ABL1: variants seen among roughly 807,000 people sequenced by gnomAD.
ABL1 encodes the protein tyrosine-protein kinase ABL1.
Under a neutral mutation model 94.7 loss-of-function variants are expected in ABL1, and 11 were observed. The ratio of observed to expected loss-of-function variants is 0.12; its 90% CI spans 0.07 to 0.19. The LOEUF (loss-of-function observed/expected upper bound fraction) is 0.19. Among genes scored for constraint, ABL1 ranks in the 10% least tolerant of loss-of-function variants. The pLI is 1.00. For missense variants in ABL1, 1,082 were observed against 1,489.4 expected (o/e 0.73, Z 4.50); for synonymous variants, 656 against 622.4 (o/e 1.05, Z -0.80).
At chr9:130,756,365 C>A (rs1024186748) in intron 1 of ABL1, among the ~76,000 whole-genome samples, 3 of 150,034 alleles carry the variant, frequency 2.0e-5, no homozygotes, top group African/African-American at 7.4e-5. Flanking sequence ...GTTGCCATTT[C>A]ATTTGTTCAG....
rs569486532 is a variant in ABL1 at position 130,879,487 on chromosome 9, G to A, written c.1424-581G>A. On this transcript the variant is annotated intron_variant, in intron 8 of 10. Transcript: ENST00000318560. ...AGCAGAAACAAATATTCATGTACAC[G>A]AATCTCTGGGCACTTTGGCTGGTAT... 7.9e-5 allele frequency among the ~76,000 whole-genome samples: 12 copies of A among 152,298 alleles called. No homozygotes were observed. The South Asian group carries it at 2.3e-3, about 29-fold the overall frequency.
At chr9:130,849,550 C>T (rs950032403) in intron 1 of ABL1, among the ~76,000 whole-genome samples, 1 of 151,998 alleles carries the variant, frequency 6.6e-6, no homozygotes, top group African/African-American at 2.4e-5. Flanking sequence ...GACGATGTCT[C>T]ACTCTGTTGC....
chr9:130,863,156 C>T lies in ABL1; in HGVS notation c.822+121C>T, dbSNP rs568116872. 33 of 1,181,070 alleles carry T rather than the reference C, an allele frequency of 2.8e-5. No homozygotes were observed. Among genetic ancestry groups the T allele is most frequent in the Middle Eastern group, 5.8e-4 (2 of 3,424 alleles). The allele number at this position is 1,181,070 out of a possible 1,614,324, so 73.2% of individuals were successfully genotyped here. ...CTGTCCGAGGGCTTCATTGGCGCCA[C>T]GGAATTGACTTTTCCGTCTTATATC... On this transcript the variant is annotated intron_variant, in intron 4 of 10. Transcript: ENST00000318560. The surrounding 1 kb of genome is among the most constrained non-coding windows in gnomAD (Gnocchi z 4.3).
At chr9:130,735,955 A>ATG (rs1365601952) in intron 1 of ABL1, among the ~76,000 whole-genome samples, 2 of 41,498 alleles carry the variant, frequency 4.8e-5, no homozygotes, top group African/African-American at 3.1e-4. Flanking sequence ...ATATATATAT[A>ATG]TATATATTTT....
chr9:130,774,590 G>A (rs1832290400), intron 1 of ABL1, among the ~76,000 whole-genome samples: 1 of 152,176 alleles, frequency 6.6e-6, no homozygotes, highest in Non-Finnish European at 1.5e-5. Flanking sequence ...TTGGAAGGCT[G>A]AGGTGGGCGG....
chr9:130,870,981 A>G (rs1323049147), intron 4 of ABL1, among the ~76,000 whole-genome samples: 2 of 152,206 alleles, frequency 1.3e-5, no homozygotes, highest in Non-Finnish European at 2.9e-5. Context: ...CCATCAGGAC[A>G]CGGTGTCTCC....
At chr9:130,757,833 G>T (rs546005127) in intron 1 of ABL1, among the ~76,000 whole-genome samples, 2 of 151,688 alleles carry the variant, frequency 1.3e-5, no homozygotes, top group Non-Finnish European at 2.9e-5. Flanking sequence ...GAGCCACTGC[G>T]CCCGGCCAGG....
chr9:130,874,327 G>A (rs141658031), intron 6 of ABL1, among the ~76,000 whole-genome samples: 23 of 152,338 alleles, frequency 1.5e-4, no homozygotes, highest in South Asian at 2.1e-4. Context: ...AAAGAGGGAA[G>A]TAGGAAACAC....
At chr9:130,881,136 G>A (rs1241857895) in intron 10 of ABL1, among the ~76,000 whole-genome samples, 1 of 152,220 alleles carries the variant, frequency 6.6e-6, no homozygotes, top group African/African-American at 2.4e-5. Flanking sequence ...CATCTTTCTG[G>A]TGCCATTGCC....
intron 1 of ABL1, among the ~76,000 whole-genome samples, chr9:130,774,207 C>G (rs895996193): frequency 5.3e-5 from 8 of 152,140 alleles, no homozygotes; most frequent in African/African-American, 1.9e-4. Context: ...TGGGCTAATA[C>G]AAATAAAGCT....
At chr9:130,865,746 CAAA>C (rs36055589) in intron 4 of ABL1, among the ~76,000 whole-genome samples, 4 of 61,682 alleles carry the variant, frequency 6.5e-5, no homozygotes, top group African/African-American at 1.1e-4. Flanking sequence ...ACCCTGTCTC[CAAA>C]AAAAAAAAAA....
intron 1 of ABL1, among the ~76,000 whole-genome samples, chr9:130,807,979 G>A (rs1036969651): frequency 6.7e-6 from 1 of 150,176 alleles, no homozygotes; most frequent in Non-Finnish European, 1.5e-5. Flanking sequence ...GATTACAGGC[G>A]TGAGCCACTG....
At chr9:130,781,695 T>C (rs1261131977) in intron 1 of ABL1, among the ~76,000 whole-genome samples, 1 of 152,202 alleles carries the variant, frequency 6.6e-6, no homozygotes. Context: ...TTATTATCTA[T>C]TAGTGTGTAC....
intron 1 of ABL1, among the ~76,000 whole-genome samples, chr9:130,750,633 TC>T (rs1831951195): frequency 7.8e-6 from 1 of 128,074 alleles, no homozygotes; most frequent in Non-Finnish European, 1.5e-5. Flanking sequence ...TTTTCTTTTT[TC>T]TTTTTCTTTC....
chr9:130,869,058 T>C (rs1276061524), intron 4 of ABL1, among the ~76,000 whole-genome samples: 1 of 151,800 alleles, frequency 6.6e-6, no homozygotes, highest in Non-Finnish European at 1.5e-5. Context: ...TCCCAGCTAC[T>C]CGGGAGGCTG....
At chr9:130,759,610 A>C (rs926731532) in intron 1 of ABL1, among the ~76,000 whole-genome samples, 1 of 152,238 alleles carries the variant, frequency 6.6e-6, no homozygotes. Flanking sequence ...TTTATTTAAG[A>C]ATGTACTCGA....
rs201885858 is a variant in ABL1 at position 130,839,073 on chromosome 9, T to TA, written c.79+3552dup. ...TGCAGGCATATGCTACCTGACTAAT[T>TA]AAAATTTTTTTTTTTTTTTTGTAGA... On this transcript the variant is annotated intron_variant, in intron 1 of 10. Coordinates refer to ENST00000318560, the MANE Select transcript of ABL1 (RefSeq NM_005157.6). Among the ~76,000 whole-genome samples the TA allele has an allele frequency of 1.1e-3, 168 of 150,662 alleles. 1 individual carries two copies. The highest frequency in any genetic ancestry group is 6.4e-3 in the Admixed American group (96 of 15,074).
intron 1 of ABL1, among the ~76,000 whole-genome samples, chr9:130,789,572 G>C (rs1170285413): frequency 6.6e-6 from 1 of 152,018 alleles, no homozygotes; most frequent in Non-Finnish European, 1.5e-5. Flanking sequence ...TCATGCGCAA[G>C]AGTCAGTAGA....
intron 1 of ABL1, 111 bp from the exon 2 acceptor site, chr9:130,853,953 G>GA: frequency 9.1e-7 from 1 of 1,095,650 alleles, no homozygotes; most frequent in Non-Finnish European, 1.3e-6. Context: ...AATGAAATAG[G>GA]AATGTGTAAT....
Sources: allele counts gnomAD v4.1 joint callset (sites outside exome capture counted in the v4.1 genomes callset), GRCh38; gene constraint gnomAD v4.1.1; non-coding constraint Gnocchi (gnomAD v3.1); transcripts MANE v1.5; gene names NCBI Gene and HGNC (gene_info 2026-07-23, HGNC 2026-07-21).